The following YPEL2 variants were observed in gnomAD, a reference collection of about 807,000 sequenced individuals.
The protein encoded by YPEL2 is protein yippee-like 2.
YPEL2 carries 2 observed loss-of-function variants against 19.1 expected under a neutral mutation model. The ratio of observed to expected loss-of-function variants is 0.10; its 90% confidence interval spans 0.04 to 0.33. The LOEUF is 0.33. YPEL2 is among the 10% of genes least tolerant of loss of function. The pLI is 1.00. For synonymous variants in YPEL2, 52 were observed against 50.0 expected (o/e 1.04, Z -0.17); for missense variants, 66 against 140.7 (o/e 0.47, Z 2.68).
intron 1 of YPEL2, among the ~76,000 whole-genome samples, chr17:59,334,978 A>T (rs1055877427): frequency 2.6e-5 from 4 of 152,184 alleles, no homozygotes; most frequent in Non-Finnish European, 4.4e-5. Flanking sequence ...ATCAATTCCC[A>T]TTGTAAATTA....
intron 2 of YPEL2, among the ~76,000 whole-genome samples, chr17:59,377,835 G>GT (rs1378950809): frequency 6.6e-6 from 1 of 152,210 alleles, no homozygotes; most frequent in Non-Finnish European, 1.5e-5. Flanking sequence ...TTCCAGACTA[G>GT]TTTTGCAGCT....
At chr17:59,360,238 G>A (rs549068034) in intron 2 of YPEL2, among the ~76,000 whole-genome samples, 6 of 152,238 alleles carry the variant, frequency 3.9e-5, no homozygotes, top group Admixed American at 1.3e-4. Flanking sequence ...CACCACGCCC[G>A]GCTAATTTTT....
intron 1 of YPEL2, among the ~76,000 whole-genome samples, chr17:59,339,349 A>G (rs1182022095): frequency 6.6e-6 from 1 of 152,198 alleles, no homozygotes; most frequent in Non-Finnish European, 1.5e-5. Context: ...AGGAAAAGTT[A>G]TCCCCACACT....
chr17:59,351,274 C>T (rs2147939271), intron 1 of YPEL2, among the ~76,000 whole-genome samples: 1 of 152,156 alleles, frequency 6.6e-6, no homozygotes, highest in Admixed American at 6.5e-5. Context: ...ACATGGGAGG[C>T]TAAGGCAGGA....
At chr17:59,345,983 A>G (rs146043890) in intron 1 of YPEL2, among the ~76,000 whole-genome samples, 2 of 152,188 alleles carry the variant, frequency 1.3e-5, no homozygotes, top group African/African-American at 4.8e-5. Flanking sequence ...TGCACTCTTA[A>G]CCGCTGGGCA....
rs895193648 is a variant in YPEL2, at chr17:59,397,127, A to G, written c.297A>G (p.Lys99=). 9 of 1,612,822 alleles carry G rather than the reference A, an allele frequency of 5.6e-6. No homozygotes were observed. Among genetic ancestry groups the G allele is most frequent in the Non-Finnish European group, 5.9e-6 (7 of 1,179,404 alleles). The change falls in exon 5 of 5, where the codon AAA becomes AAG. Residue 99 remains lysine, a synonymous_variant. Coordinates refer to ENST00000312655, the MANE Select transcript of YPEL2 (RefSeq NM_001005404.4). The stretch of plus-strand genomic sequence containing the variant: ...AACATGCTTTTGAAAGCAGCCAGAA[A>G]TATAAAGAAGGCAAATACATCATTG... The part of the protein sequence containing the change: ...KYEHAFESSQ[K]YKEGKYIIEL...
chr17:59,389,549 G>T (rs1213170344), intron 4 of YPEL2, 81 bp downstream of exon 4: 3 of 1,062,666 alleles, frequency 2.8e-6, no homozygotes, highest in Non-Finnish European at 2.8e-6. Context: ...TCTTCTACTC[G>T]CTTTCCATGG....
At chr17:59,395,638 C>T (rs975428015) in intron 4 of YPEL2, among the ~76,000 whole-genome samples, 2 of 152,120 alleles carry the variant, frequency 1.3e-5, no homozygotes, top group African/African-American at 4.8e-5. Context: ...CTGCCAGGTT[C>T]TCTGGCCTGG....
In YPEL2 at chr17:59,401,124, A is replaced by G. The variant is rs911561731; in HGVS notation, c.*3934A>G. 5.3e-5 allele frequency: 8 copies of G among 152,126 alleles called. No homozygotes were observed. The highest frequency in any genetic ancestry group is 5.2e-4 in the Admixed American group (8 of 15,260). 9.4% of individuals were successfully genotyped at this position (152,126 alleles called of 1,614,324 possible). The stretch of plus-strand genomic sequence containing the variant: ...ATTAACTGGTTTGGATTAAAAGAAC[A>G]TTAATATTATAATACACATATCTTA... On this transcript the variant is annotated 3_prime_UTR_variant, in exon 5 of 5. Transcript: ENST00000312655.
chr17:59,387,610 A>G (rs1232338719), intron 2 of YPEL2, among the ~76,000 whole-genome samples: 1 of 152,178 alleles, frequency 6.6e-6, no homozygotes, highest in Non-Finnish European at 1.5e-5. Context: ...ATTGCATGGC[A>G]GGCTCTGGCT....
chr17:59,361,639 C>T (rs192341828), intron 2 of YPEL2, among the ~76,000 whole-genome samples: 107 of 152,214 alleles, frequency 7.0e-4, no homozygotes, highest in Non-Finnish European at 1.1e-3. Flanking sequence ...AATCTGGGTC[C>T]GTGGACTGGC....
intron 2 of YPEL2, chr17:59,355,098 A>G (rs2047806313): frequency 1.3e-5 from 2 of 152,158 alleles, no homozygotes; most frequent in African/African-American, 2.4e-5. Flanking sequence ...TGAGGTACCA[A>G]TAAGGTATTT....
At chr17:59,351,049 G>A (rs2047785185) in intron 1 of YPEL2, among the ~76,000 whole-genome samples, 1 of 152,046 alleles carries the variant, frequency 6.6e-6, no homozygotes, top group South Asian at 2.1e-4. Context: ...TCCTGGATGT[G>A]CTGTCTATCC....
chr17:59,385,946 G>A lies in YPEL2; in HGVS notation c.118-2381G>A, dbSNP rs779294528. Among the ~76,000 whole-genome samples the A allele has an allele frequency of 1.1e-4, 17 of 152,170 alleles. 1 individual carries two copies. The highest frequency in any genetic ancestry group is 5.8e-4 in the East Asian group (3 of 5,190). On this transcript the variant is annotated intron_variant, in intron 2 of 4. Transcript: ENST00000312655. ...TTCAGAGAGAGATTGAAGACATGGC[G>A]CACACCTTCAGGGAGCTCACAGTCT...
At chr17:59,332,348 C>T (rs1394980566) in intron 1 of YPEL2, among the ~76,000 whole-genome samples, 1 of 152,158 alleles carries the variant, frequency 6.6e-6, no homozygotes, top group African/African-American at 2.4e-5. Flanking sequence ...CTCGAAATTT[C>T]TCGGAGCGCG....
rs1373911469 is a variant in YPEL2 at position 59,401,042 on chromosome 17, T to C, written c.*3852T>C. The C allele has an allele frequency of 6.6e-6, 1 of 152,418 alleles. No homozygotes were observed. Among genetic ancestry groups the C allele is most frequent in the African/African-American group, 2.4e-5 (1 of 41,396 alleles). The allele number at this position is 152,418 out of a possible 1,614,324, so 9.4% of individuals were successfully genotyped here. ...TCTGTGCTTCTAACTGAGATGAGAG[T>C]GTATTAATCACGTATCGCAGGGCTC... On this transcript the variant is annotated 3_prime_UTR_variant, in exon 5 of 5. Coordinates refer to ENST00000312655, the MANE Select transcript of YPEL2 (RefSeq NM_001005404.4).
chr17:59,332,171 C>G (rs1020301718), intron 1 of YPEL2, among the ~76,000 whole-genome samples: 14 of 152,126 alleles, frequency 9.2e-5, no homozygotes, highest in African/African-American at 2.9e-4. Context: ...CTGGAATCGC[C>G]GCTTCCTCCT....
rs572073697 is a variant in YPEL2, at chr17:59,363,650, A to G, written c.117+10124A>G. On this transcript the variant is annotated intron_variant, in intron 2 of 4. Coordinates refer to ENST00000312655, the MANE Select transcript of YPEL2 (RefSeq NM_001005404.4). The stretch of plus-strand genomic sequence containing the variant: ...CTTTATTGAGCACCTACTGTGTGCC[A>G]GGAACTCCTTTAGGTATTTTACTTA... 6.9e-4 allele frequency among the ~76,000 whole-genome samples: 105 copies of G among 152,348 alleles called. 2 individuals carry two copies. The highest frequency in any genetic ancestry group is 2.1e-4 in the South Asian group (1 of 4,828).
intron 1 of YPEL2, among the ~76,000 whole-genome samples, chr17:59,351,235 C>T (rs2047785928): frequency 1.3e-5 from 2 of 152,038 alleles, no homozygotes; most frequent in South Asian, 4.2e-4. Flanking sequence ...ATTAGCCAGG[C>T]GTGGTGGCGG....
Sources: allele counts gnomAD v4.1 joint callset (sites outside exome capture counted in the v4.1 genomes callset), GRCh38; gene constraint gnomAD v4.1.1; transcripts MANE v1.5; gene names NCBI Gene and HGNC (gene_info 2026-07-23, HGNC 2026-07-21).